Variants in PRSS38 observed in about 807,000 individuals in gnomAD.
PRSS38 encodes the protein marapsin 2.
PRSS38 carries 22 observed loss-of-function variants against 26.8 expected under a neutral mutation model. The observed-to-expected ratio is 0.82, with a 90% confidence interval of 0.59 to 1.17. PRSS38 has a LOEUF of 1.17. Among genes scored for constraint, PRSS38 ranks in the 50% most tolerant of loss-of-function variants. The pLI is 0.00. For synonymous variants in PRSS38, 175 were observed against 172.1 expected (o/e 1.02, Z -0.13); for missense variants, 427 against 422.7 (o/e 1.01, Z -0.09).
chr1:227,835,320 A>T (rs1393022257), intron 3 of PRSS38, among the ~76,000 whole-genome samples: 3 of 152,206 alleles, frequency 2.0e-5, no homozygotes, highest in African/African-American at 7.2e-5. Flanking sequence ...TAATCCCGGC[A>T]CTTCGGGAGG....
At chr1:227,841,866 G>A (rs1665342301) in intron 3 of PRSS38, among the ~76,000 whole-genome samples, 1 of 152,240 alleles carries the variant, frequency 6.6e-6, no homozygotes, top group African/African-American at 2.4e-5. Context: ...AGGCTGGGTA[G>A]TTTCTAGAAA....
At chr1:227,819,429 C>T (rs922633821) in intron 3 of PRSS38, among the ~76,000 whole-genome samples, 6 of 152,146 alleles carry the variant, frequency 3.9e-5, no homozygotes, top group East Asian at 3.9e-4. Flanking sequence ...ATTTGTTATT[C>T]GTTTCTCAAA....
At chr1:227,845,498 G>A (rs1265160435) in exon 4 of PRSS38, 2 of 1,612,390 alleles carry the variant, frequency 1.2e-6, no homozygotes, top group Non-Finnish European at 1.7e-6. Flanking sequence ...TGCAGGAGAT[G>A]CAGCTCCCGC....
rs369177689 is a variant in PRSS38, at chr1:227,816,127, C to T, written c.186C>T (p.Gly62=). The change falls in exon 2 of 5, where the codon GGC becomes GGT. Residue 62 remains glycine, a synonymous_variant. Transcript: ENST00000366757. This position sits in a 1 kb window ranked among gnomAD's most constrained non-coding sequence, Gnocchi z 5.1. ...CCAGCATGGAGGGGAAAATCCTGGGCGGCGTCCCTGCGCCCGAGAGGAAGT... is the reference window on the plus strand; with the variant it reads ...CCAGCATGGAGGGGAAAATCCTGGGTGGCGTCCCTGCGCCCGAGAGGAAGT... 298 of 1,613,568 alleles carry T rather than the reference C, an allele frequency of 1.8e-4. 1 individual carries two copies. The South Asian group carries it at 2.0e-3, about 11-fold the overall frequency.
chr1:227,834,719 AC>A (rs1204229216), intron 3 of PRSS38, among the ~76,000 whole-genome samples: 2 of 151,826 alleles, frequency 1.3e-5, no homozygotes, highest in Non-Finnish European at 2.9e-5. Context: ...AGTGCCAGCT[AC>A]TGGGGAGGCT....
At chr1:227,830,808 AG>A (rs1266326020) in intron 3 of PRSS38, among the ~76,000 whole-genome samples, 1 of 152,004 alleles carries the variant, frequency 6.6e-6, no homozygotes, top group Non-Finnish European at 1.5e-5. Flanking sequence ...CCCGGCCTTA[AG>A]GTATCTAATT....
chr1:227,845,552 C>T (rs372946811), exon 4 of PRSS38: 25 of 1,613,582 alleles, frequency 1.5e-5, no homozygotes, highest in Non-Finnish European at 5.9e-6. Context: ...GACACATGTC[C>T]TACATCATGC....
rs144043834 is a variant in PRSS38, at chr1:227,822,630, C to T, written c.583+5150C>T. Among the ~76,000 whole-genome samples, 402 of 152,298 alleles carry T rather than the reference C, an allele frequency of 2.6e-3. 1 individual carries two copies. In the Middle Eastern group the frequency reaches 0.031, roughly 12 times the overall value. On this transcript the variant is annotated intron_variant, in intron 3 of 4. Transcript: ENST00000366757. ...CTTTCTCATGTGTGGTCACTGAAGT[C>T]GCTATTCCTTAGCTTCTGTTAGCTA...
intron 3 of PRSS38, among the ~76,000 whole-genome samples, chr1:227,830,973 T>C (rs1477923083): frequency 2.0e-5 from 3 of 152,298 alleles, no homozygotes; most frequent in Non-Finnish European, 2.9e-5. Context: ...TTTGGTTGTC[T>C]TCTAGAACTG....
At chr1:227,819,711 T>A (rs1406825328) in intron 3 of PRSS38, among the ~76,000 whole-genome samples, 1 of 152,206 alleles carries the variant, frequency 6.6e-6, no homozygotes, top group East Asian at 1.9e-4. Flanking sequence ...ATTTCCAAGG[T>A]ATGTTATTAT....
chr1:227,837,213 A>G (rs571589603), intron 3 of PRSS38, among the ~76,000 whole-genome samples: 8 of 152,322 alleles, frequency 5.3e-5, no homozygotes, highest in African/African-American at 1.4e-4. Flanking sequence ...AAGATAAAGG[A>G]CATTTCCTCA....
chr1:227,816,313 G>A lies in PRSS38; in HGVS notation c.311+61G>A, dbSNP rs150156191. 1.1e-4 allele frequency: 162 copies of A among 1,528,022 alleles called. No homozygotes were observed. Among genetic ancestry groups the A allele is most frequent in the African/African-American group, 8.7e-4 (64 of 73,230 alleles). The allele number at this position is 1,528,022 out of a possible 1,614,324, so 94.7% of individuals were successfully genotyped here. On this transcript the variant is annotated intron_variant, in intron 2 of 4. Coordinates refer to ENST00000366757, the Ensembl canonical transcript of PRSS38. The surrounding 1 kb of genome is among the most constrained non-coding windows in gnomAD (Gnocchi z 5.1). ...TGGGCCTGCACGGAGTGCCCACAGCGGCTTGGATGGACCCCACGCAAGCCT... is the reference window on the plus strand; with the variant it reads ...TGGGCCTGCACGGAGTGCCCACAGCAGCTTGGATGGACCCCACGCAAGCCT...
At chr1:227,833,756 A>G (rs1472957936) in intron 3 of PRSS38, among the ~76,000 whole-genome samples, 1 of 152,208 alleles carries the variant, frequency 6.6e-6, no homozygotes, top group Non-Finnish European at 1.5e-5. Flanking sequence ...TTCACATACA[A>G]AAGAATGAAG....
intron 3 of PRSS38, among the ~76,000 whole-genome samples, chr1:227,829,551 A>G (rs1665122129): frequency 1.3e-5 from 2 of 152,130 alleles, no homozygotes; most frequent in South Asian, 4.1e-4. Context: ...CTTTTATTGT[A>G]CATATGTTTA....
At chr1:227,820,530 TATTAC>T (rs573527171) in intron 3 of PRSS38, among the ~76,000 whole-genome samples, 77 of 152,340 alleles carry the variant, frequency 5.1e-4, no homozygotes, top group African/African-American at 1.8e-3. Context: ...TATTAATGTA[TATTAC>T]ATTGATTGAT....
intron 3 of PRSS38, among the ~76,000 whole-genome samples, chr1:227,823,634 G>A (rs182043727): frequency 2.6e-5 from 4 of 152,082 alleles, no homozygotes; most frequent in Admixed American, 1.3e-4. Context: ...TTTGGTTTGT[G>A]CAAAAGCTGG....
At chr1:227,839,512 GA>G (rs747840767) in intron 3 of PRSS38, among the ~76,000 whole-genome samples, 314 of 139,188 alleles carry the variant, frequency 2.3e-3, no homozygotes, top group African/African-American at 3.5e-3. Flanking sequence ...CTGTCTCAAG[GA>G]AAAAAAAAAA....
At chr1:227,817,471 T>C in exon 3 of PRSS38, 1 of 1,614,140 alleles carries the variant, frequency 6.2e-7, no homozygotes, top group Non-Finnish European at 8.5e-7. Context: ...GGGACTAGTC[T>C]CAAAACAAGG....
intron 3 of PRSS38, among the ~76,000 whole-genome samples, chr1:227,843,445 G>A (rs967623668): frequency 2.0e-5 from 3 of 152,230 alleles, no homozygotes; most frequent in Non-Finnish European, 4.4e-5. Flanking sequence ...GCTCACGCCT[G>A]TAATCCCAGC....
Sources: allele counts gnomAD v4.1 joint callset (sites outside exome capture counted in the v4.1 genomes callset), GRCh38; gene constraint gnomAD v4.1.1; non-coding constraint Gnocchi (gnomAD v3.1); transcripts MANE v1.5; gene names NCBI Gene and HGNC (gene_info 2026-07-23, HGNC 2026-07-21).